The following ANKS1B variants were observed in gnomAD, a reference collection of about 807,000 sequenced individuals.
ANKS1B encodes the protein ankyrin repeat and sterile alpha motif domain-containing protein 1B.
ANKS1B carries 36 observed loss-of-function variants against 148.3 expected under a neutral mutation model. The observed-to-expected ratio is 0.24, with a 90% CI of 0.19 to 0.32. ANKS1B has a LOEUF of 0.32. Among genes scored for constraint, ANKS1B ranks in the 10% least tolerant of loss-of-function variants. The probability of loss-of-function intolerance (pLI) is 1.00; values close to 1 mark genes in which losing one functional copy is unlikely to be tolerated. For missense variants in ANKS1B, 1,157 were observed against 1,542.6 expected, an observed-to-expected ratio of 0.75 and a Z score of 4.19; for synonymous variants, 542 against 560.8, an observed-to-expected ratio of 0.97 and a Z score of 0.47.
At chr12:98,743,339 G>A (rs980533502), downstream of ANKS1B, among the ~76,000 whole-genome samples, 9 of 150,510 alleles carry the variant, frequency 6.0e-5, no homozygotes, top group Admixed American at 1.3e-4. Flanking sequence ...CATAGGGTTC[G>A]TTAACTCAGA....
intron 9 of ANKS1B, among the ~76,000 whole-genome samples, chr12:99,626,057 G>A (rs1301617072): frequency 2.6e-5 from 4 of 152,112 alleles, no homozygotes; most frequent in African/African-American, 9.7e-5. Context: ...ATCTTTCTAT[G>A]AGGTGTATGA....
At chr12:99,600,391 C>A (rs910119023) in intron 9 of ANKS1B, among the ~76,000 whole-genome samples, 2 of 151,974 alleles carry the variant, frequency 1.3e-5, no homozygotes, top group Non-Finnish European at 2.9e-5. Context: ...AATACCACAT[C>A]ACATAACTGC....
At chr12:98,742,532 A>G (rs1412434842), downstream of ANKS1B, among the ~76,000 whole-genome samples, 1 of 152,248 alleles carries the variant, frequency 6.6e-6, no homozygotes, top group Admixed American at 6.5e-5. Context: ...CTAAGCACAG[A>G]GTGAGTTCTC....
rs549619897 is a variant in ANKS1B at position 99,802,294 on chromosome 12, G to A, written c.669+4110C>T. 2.0e-4 allele frequency among the ~76,000 whole-genome samples: 30 copies of A among 152,138 alleles called. No homozygotes were observed. In the South Asian group the frequency reaches 3.3e-3, roughly 17 times the overall value. Reference sequence around the variant, plus strand: ...CAAGTCTTATGAGAGAAACTTATAAGAAACTCACACAATGAAAGCACTAGC... The same window carrying A: ...CAAGTCTTATGAGAGAAACTTATAAAAAACTCACACAATGAAAGCACTAGC... On this transcript the variant is annotated intron_variant, in intron 4 of 26. Transcript: ENST00000683438.
At chr12:99,761,829 T>C (rs1400137561) in intron 8 of ANKS1B, among the ~76,000 whole-genome samples, 1 of 152,144 alleles carries the variant, frequency 6.6e-6, no homozygotes, top group East Asian at 1.9e-4. Context: ...TTGAAACTTA[T>C]AAATGACTTC....
Position 99,726,551 on chromosome 12 carries a change from C to T in ANKS1B, c.1128+46371G>A, listed in dbSNP as rs149242304. ...AGGAATCACAGCCAAATTCTACCAG[C>T]CAAATTCTACAAAGAGGAGCTGGTG... On this transcript the variant is annotated intron_variant, in intron 8 of 26. Coordinates refer to ENST00000683438, the MANE Select transcript of ANKS1B (RefSeq NM_001352186.2). Among the ~76,000 whole-genome samples, 799 of 151,504 alleles carry T rather than the reference C, an allele frequency of 5.3e-3. 8 individuals are homozygous for T. The highest frequency in any genetic ancestry group is 0.018 in the African/African-American group (755 of 41,440).
At chr12:99,072,978 C>T (rs1047730479) in intron 16 of ANKS1B, among the ~76,000 whole-genome samples, 5 of 152,086 alleles carry the variant, frequency 3.3e-5, no homozygotes, top group African/African-American at 9.7e-5. Context: ...TTTTGCTTAC[C>T]GTTTATGCCT....
At chr12:99,111,473 G>A (rs951843318) in intron 15 of ANKS1B, among the ~76,000 whole-genome samples, 1 of 151,824 alleles carries the variant, frequency 6.6e-6, no homozygotes, top group Admixed American at 6.6e-5. Flanking sequence ...CTCAGCTGCC[G>A]CTTAATACTG....
At chr12:99,216,134 C>T (rs1471469130) in intron 14 of ANKS1B, among the ~76,000 whole-genome samples, 1 of 152,210 alleles carries the variant, frequency 6.6e-6, no homozygotes, top group African/African-American at 2.4e-5. Context: ...TGCTCTCTTG[C>T]CTGCCACCAT....
chr12:99,754,016 T>C (rs2061348247), intron 8 of ANKS1B, among the ~76,000 whole-genome samples: 1 of 151,176 alleles, frequency 6.6e-6, no homozygotes, highest in East Asian at 2.0e-4. Context: ...AGAGCAAAAC[T>C]CCATCTCAAA....
chr12:98,777,043 A>C (rs1442187465), intron 24 of ANKS1B, among the ~76,000 whole-genome samples: 1 of 152,144 alleles, frequency 6.6e-6, no homozygotes, highest in East Asian at 1.9e-4. Context: ...AACTTAAATA[A>C]TTAGCCAGGC....
At chr12:98,904,008 T>C (rs1303247639) in intron 17 of ANKS1B, among the ~76,000 whole-genome samples, 2 of 152,176 alleles carry the variant, frequency 1.3e-5, no homozygotes, top group Non-Finnish European at 2.9e-5. Context: ...TGCTATGTTA[T>C]ACTTAAAAAT....
At chr12:99,372,600 T>C (rs2093198018) in intron 12 of ANKS1B, among the ~76,000 whole-genome samples, 1 of 152,148 alleles carries the variant, frequency 6.6e-6, no homozygotes, top group Non-Finnish European at 1.5e-5. Flanking sequence ...GACTGTTAAA[T>C]AGGGGTTTGT....
At chr12:99,808,829 G>A (rs1442891883) in intron 3 of ANKS1B, among the ~76,000 whole-genome samples, 1 of 152,020 alleles carries the variant, frequency 6.6e-6, no homozygotes, top group Non-Finnish European at 1.5e-5. Flanking sequence ...CTCTCTACTG[G>A]TCCAGAGCCC....
chr12:98,967,624 G>A (rs1274875114), intron 17 of ANKS1B, among the ~76,000 whole-genome samples: 2 of 140,650 alleles, frequency 1.4e-5, no homozygotes, highest in Non-Finnish European at 3.1e-5. Flanking sequence ...AGGGAAGAGA[G>A]GGTAGAAGAG....
chr12:99,917,451 A>T (rs1283371708), intron 1 of ANKS1B, among the ~76,000 whole-genome samples: 1 of 152,228 alleles, frequency 6.6e-6, no homozygotes, highest in Non-Finnish European at 1.5e-5. Context: ...AGGGTAATCT[A>T]GCTATTGACA....
chr12:99,193,393 G>A (rs1384515447), intron 14 of ANKS1B, among the ~76,000 whole-genome samples: 2 of 152,156 alleles, frequency 1.3e-5, no homozygotes, highest in Admixed American at 6.5e-5. Flanking sequence ...TCTGAACAAA[G>A]AGGTCCTGGT....
intron 4 of ANKS1B, among the ~76,000 whole-genome samples, chr12:99,783,189 G>A (rs1278131360): frequency 3.2e-5 from 4 of 124,886 alleles, no homozygotes; most frequent in African/African-American, 9.2e-5. Flanking sequence ...AGAATCCATC[G>A]CAAAAAAAAA....
intron 1 of ANKS1B, among the ~76,000 whole-genome samples, chr12:99,940,293 G>C (rs986428316): frequency 2.6e-5 from 4 of 152,088 alleles, no homozygotes; most frequent in African/African-American, 7.2e-5. Context: ...CCTAAATAGG[G>C]CATGACAATA....
Sources: gnomAD v4.1 joint callset for allele counts (sites outside exome capture counted in the v4.1 genomes callset) on GRCh38, gnomAD v4.1.1 for gene constraint, MANE v1.5 for transcripts, NCBI Gene and HGNC (gene_info 2026-07-23, HGNC 2026-07-21) for gene names.